NRCAM: variants seen among roughly 807,000 people sequenced by gnomAD.
NRCAM encodes the protein NgCAM-related cell adhesion molecule.
In NRCAM, 83 loss-of-function variants were observed where a neutral mutation model predicts 156.5. That is an observed-to-expected ratio of 0.53 (90% CI 0.44 to 0.64). The LOEUF is 0.64. NRCAM is among the 30% of genes least tolerant of loss of function. The probability of loss-of-function intolerance (pLI) is 0.00; values close to 1 mark genes in which losing one functional copy is unlikely to be tolerated. For synonymous variants in NRCAM, 538 were observed against 563.9 expected (o/e 0.95, Z 0.65); for missense variants, 1,417 against 1,597.3 (o/e 0.89, Z 1.92).
rs766156965 is a variant in NRCAM, at chr7:108,189,707, T to C, written c.1973A>G (p.Gln658Arg). The change falls in exon 20 of 33, where the codon CAA becomes CGA. Residue 658 changes from glutamine to arginine, a missense_variant. Gln to Arg is a conservative substitution (Grantham distance 43, BLOSUM62 1). Coordinates refer to ENST00000379028, the MANE Select transcript of NRCAM (RefSeq NM_001037132.4). ...NPPFDLELTD[Q>R]LDKSVQLSWT... Reference sequence around the variant, plus strand: ...TGACAGCTGAACACTTTTGTCAAGTTGATCTGTCAGTTCTAAGTCAAAGGG... The same window carrying C: ...TGACAGCTGAACACTTTTGTCAAGTCGATCTGTCAGTTCTAAGTCAAAGGG... 1 of 1,557,296 alleles carries C rather than the reference T, an allele frequency of 6.4e-7. No homozygotes were observed. Among genetic ancestry groups the C allele is most frequent in the Non-Finnish European group, 8.8e-7 (1 of 1,130,288 alleles).
At chr7:108,215,018 T>G (rs1443104828) in intron 11 of NRCAM, among the ~76,000 whole-genome samples, 1 of 152,168 alleles carries the variant, frequency 6.6e-6, no homozygotes, top group African/African-American at 2.4e-5. Context: ...CTTCCAATTA[T>G]GTGGTCAATT....
At chr7:108,442,103 G>A (rs1839167576) in intron 1 of NRCAM, among the ~76,000 whole-genome samples, 1 of 152,118 alleles carries the variant, frequency 6.6e-6, no homozygotes, top group African/African-American at 2.4e-5. Context: ...TCGGGAGCAG[G>A]CTGCCCATAC....
intron 2 of NRCAM, among the ~76,000 whole-genome samples, chr7:108,356,125 T>C (rs2099494301): frequency 6.6e-6 from 1 of 152,084 alleles, no homozygotes; most frequent in Non-Finnish European, 1.5e-5. Context: ...ATTTTTGTAG[T>C]TTTAGTAGAG....
intron 20 of NRCAM, among the ~76,000 whole-genome samples, chr7:108,187,410 G>A (rs2067607555): frequency 1.3e-5 from 2 of 152,146 alleles, no homozygotes; most frequent in African/African-American, 2.4e-5. Context: ...TTGCTGGAAA[G>A]TTCTTCCCCT....
chr7:108,418,001 A>G (rs1472423371), intron 1 of NRCAM, among the ~76,000 whole-genome samples: 1 of 152,096 alleles, frequency 6.6e-6, no homozygotes, highest in East Asian at 1.9e-4. Context: ...AACCAATGGG[A>G]TGCACCCTGA....
chr7:108,165,186 C>CT, intron 30 of NRCAM, among the ~76,000 whole-genome samples: 1 of 152,328 alleles, frequency 6.6e-6, no homozygotes, highest in East Asian at 1.9e-4. Flanking sequence ...CGAAGCTGCC[C>CT]TTTCTGAGAC....
Position 108,234,624 on chromosome 7 carries a change from A to C in NRCAM, c.189T>G (p.Asn63Lys), listed in dbSNP as rs2094713434. Residue 63 changes from asparagine to lysine, a missense_variant, in exon 6 of 33, where the codon AAT becomes AAG. Physicochemically the swap from Asn to Lys is moderately conservative, Grantham distance 94 (BLOSUM62 0). Transcript: ENST00000379028. ...CTTTGGCTTCACACTGGATTACAAT[A>C]TTCTCCCGAGGGTCAATAATGTAAT... ...PKDYIIDPRENIVIQCEAKGK... is the reference protein window; with the variant it reads ...PKDYIIDPREKIVIQCEAKGK... 1.9e-6 allele frequency: 3 copies of C among 1,613,310 alleles called. No homozygotes were observed.
intron 13 of NRCAM, among the ~76,000 whole-genome samples, chr7:108,199,395 C>CA (rs1249181090): frequency 6.6e-6 from 1 of 152,230 alleles, no homozygotes; most frequent in African/African-American, 2.4e-5. Context: ...CAACTTACCA[C>CA]AAATGTAGTG....
chr7:108,284,428 C>T (rs1252558684), intron 3 of NRCAM, among the ~76,000 whole-genome samples: 4 of 152,134 alleles, frequency 2.6e-5, no homozygotes, highest in Admixed American at 2.0e-4. Flanking sequence ...GAGTCAGTAC[C>T]CTCCAGTCCA....
chr7:108,161,301 A>G (rs778316501), intron 30 of NRCAM, among the ~76,000 whole-genome samples: 5 of 152,224 alleles, frequency 3.3e-5, no homozygotes, highest in Non-Finnish European at 5.9e-5. Flanking sequence ...GTTTGCATCT[A>G]TTCTGTTTAA....
intron 3 of NRCAM, among the ~76,000 whole-genome samples, chr7:108,291,636 G>T (rs2098294007): frequency 6.6e-6 from 1 of 152,024 alleles, no homozygotes; most frequent in South Asian, 2.1e-4. Flanking sequence ...TCTTTTGACC[G>T]TGCCTGAAAC....
chr7:108,308,649 T>C (rs1450683307), intron 3 of NRCAM, among the ~76,000 whole-genome samples: 1 of 152,250 alleles, frequency 6.6e-6, no homozygotes, highest in African/African-American at 2.4e-5. Flanking sequence ...TGTCTCACTA[T>C]GGCATTATCC....
chr7:108,391,729 T>C (rs1215447176), intron 2 of NRCAM, among the ~76,000 whole-genome samples: 1 of 152,228 alleles, frequency 6.6e-6, no homozygotes, highest in African/African-American at 2.4e-5. Flanking sequence ...TTCCTTTCCA[T>C]GTTTAGTGCT....
chr7:108,316,426 G>C (rs2098922261), intron 2 of NRCAM, among the ~76,000 whole-genome samples: 2 of 152,160 alleles, frequency 1.3e-5, no homozygotes, highest in African/African-American at 4.8e-5. Context: ...GCACAAAACA[G>C]ACTGAGACAT....
At chr7:108,165,062 T>C (rs1259865259) in intron 30 of NRCAM, among the ~76,000 whole-genome samples, 1 of 152,218 alleles carries the variant, frequency 6.6e-6, no homozygotes, top group Non-Finnish European at 1.5e-5. Flanking sequence ...TCTAACAATT[T>C]TAACAACAGG....
chr7:108,228,565 T>C (rs1214220617), intron 8 of NRCAM, among the ~76,000 whole-genome samples: 1 of 152,230 alleles, frequency 6.6e-6, no homozygotes, highest in African/African-American at 2.4e-5. Context: ...GTATGCTATA[T>C]AAATTTTTTT....
intron 3 of NRCAM, among the ~76,000 whole-genome samples, chr7:108,252,650 GATAA>G (rs35650414): frequency 0.31 from 47,291 of 152,006 alleles, 8,371 homozygotes; most frequent in African/African-American, 0.48. Context: ...ATAGGAGATA[GATAA>G]ATCTCAGTGT....
At chr7:108,178,697 G>A (rs1399649486) in intron 25 of NRCAM, among the ~76,000 whole-genome samples, 1 of 152,206 alleles carries the variant, frequency 6.6e-6, no homozygotes, top group Non-Finnish European at 1.5e-5. Flanking sequence ...AGGGGTCTCA[G>A]GTTCTCTGTG....
At chr7:108,439,671 C>T (rs1836289889) in intron 1 of NRCAM, among the ~76,000 whole-genome samples, 1 of 151,578 alleles carries the variant, frequency 6.6e-6, no homozygotes, top group African/African-American at 2.4e-5. Flanking sequence ...CCTATCTCTA[C>T]TAAAAATACA....
Sources: allele counts gnomAD v4.1 joint callset (sites outside exome capture counted in the v4.1 genomes callset), GRCh38; gene constraint gnomAD v4.1.1; transcripts MANE v1.5; gene names NCBI Gene and HGNC (gene_info 2026-07-23, HGNC 2026-07-21).